Variants in ATRNL1 observed in about 807,000 individuals in gnomAD.
ATRNL1 encodes attractin-like protein 1.
In ATRNL1, 95 loss-of-function variants were observed where a neutral mutation model predicts 182.7. The observed-to-expected ratio is 0.52, with a 90% CI of 0.44 to 0.62. ATRNL1 has a LOEUF of 0.62. Among genes scored for constraint, ATRNL1 ranks in the 20% least tolerant of loss-of-function variants. The pLI is 0.00. For missense variants in ATRNL1, 1,471 were observed against 1,679.5 expected (o/e 0.88, Z 2.17); for synonymous variants, 576 against 568.3 (o/e 1.01, Z -0.19).
chr10:115,178,946 T>A (rs1847640354), intron 8 of ATRNL1, among the ~76,000 whole-genome samples: 1 of 152,116 alleles, frequency 6.6e-6, no homozygotes, highest in Non-Finnish European at 1.5e-5. Flanking sequence ...ATTTATATTC[T>A]TTTTCTAAGA....
At chr10:115,544,641 A>C (rs1852543527) in intron 25 of ATRNL1, among the ~76,000 whole-genome samples, 1 of 152,132 alleles carries the variant, frequency 6.6e-6, no homozygotes, top group Non-Finnish European at 1.5e-5. Context: ...TTTTCCCCTG[A>C]CCCGAATACC....
intron 1 of ATRNL1, among the ~76,000 whole-genome samples, chr10:115,119,649 G>A (rs782496639): frequency 6.6e-6 from 1 of 151,614 alleles, no homozygotes; most frequent in Non-Finnish European, 1.5e-5. Flanking sequence ...TGAGTTCTTG[G>A]ACTAGATGTA....
At chr10:115,311,190 T>TG (rs1164076687) in intron 17 of ATRNL1, among the ~76,000 whole-genome samples, 24 of 858 alleles carry the variant, frequency 0.028, no homozygotes, top group African/African-American at 0.031. Flanking sequence ...ATGATTTAGA[T>TG]TTTTTTTTTT....
chr10:115,312,271 C>G (rs561375244), intron 17 of ATRNL1, among the ~76,000 whole-genome samples: 1 of 152,178 alleles, frequency 6.6e-6, no homozygotes, highest in African/African-American at 2.4e-5. Flanking sequence ...ATTTAGAACT[C>G]TTTTTAGCTT....
chr10:115,195,492 A>T lies in ATRNL1; in HGVS notation c.1349-20205A>T, dbSNP rs151190824. Among the ~76,000 whole-genome samples the T allele has an allele frequency of 4.6e-3, 698 of 152,208 alleles. 7 individuals carry two copies. Among genetic ancestry groups the T allele is most frequent in the Middle Eastern group, 0.01 (3 of 294 alleles). On this transcript the variant is annotated intron_variant, in intron 8 of 28. Coordinates refer to ENST00000355044, the MANE Select transcript of ATRNL1 (RefSeq NM_207303.4). ...CTGCCAGATATGTCAGGGATTCTTTATAAGTTGTGTGCCTCTTTTCTCTGC... is the reference window on the plus strand; with the variant it reads ...CTGCCAGATATGTCAGGGATTCTTTTTAAGTTGTGTGCCTCTTTTCTCTGC...
At chr10:115,215,119 T>C (rs1849177578) in intron 8 of ATRNL1, among the ~76,000 whole-genome samples, 1 of 152,202 alleles carries the variant, frequency 6.6e-6, no homozygotes, top group South Asian at 2.1e-4. Flanking sequence ...TTTAATCTCA[T>C]ACTAGTACTC....
Position 115,165,512 on chromosome 10 carries a change from A to G in ATRNL1, c.1005-46A>G, listed in dbSNP as rs782381820. ...AAAGCACGTGAAAATTAAAAAAACA[A>G]AAATGAATCTTAGCTTATGAAGTTA... is the stretch of plus-strand genomic sequence containing the variant. On this transcript the variant is annotated intron_variant, in intron 6 of 28. Transcript: ENST00000355044. 6 of 1,200,368 alleles carry G rather than the reference A, an allele frequency of 5.0e-6. No homozygotes were observed. In the South Asian group the frequency reaches 1.1e-4, roughly 21 times the overall value. The allele number at this position is 1,200,368 out of a possible 1,614,324, so 74.4% of individuals were successfully genotyped here.
At chr10:115,754,306 G>C (rs1158084900) in intron 27 of ATRNL1, among the ~76,000 whole-genome samples, 1 of 152,164 alleles carries the variant, frequency 6.6e-6, no homozygotes, top group African/African-American at 2.4e-5. Context: ...GTGGTTTTAG[G>C]TCTAACATTT....
intron 27 of ATRNL1, among the ~76,000 whole-genome samples, chr10:115,775,783 C>T (rs1451894322): frequency 1.9e-5 from 2 of 104,158 alleles, no homozygotes; most frequent in Non-Finnish European, 1.9e-5. Context: ...GGTGAAACCC[C>T]GACTCTACTA....
intron 26 of ATRNL1, among the ~76,000 whole-genome samples, chr10:115,592,730 C>T (rs1470658528): frequency 6.6e-6 from 1 of 152,140 alleles, no homozygotes; most frequent in African/African-American, 2.4e-5. Context: ...TGTTTTATTT[C>T]TCTAGCAATC....
chr10:115,439,931 A>G (rs1408594965), intron 21 of ATRNL1, among the ~76,000 whole-genome samples: 1 of 151,834 alleles, frequency 6.6e-6, no homozygotes, highest in Admixed American at 6.6e-5. Flanking sequence ...ATGATTTTCT[A>G]TTTCATCATT....
At chr10:115,391,531 A>T (rs2134269521) in intron 19 of ATRNL1, among the ~76,000 whole-genome samples, 1 of 152,196 alleles carries the variant, frequency 6.6e-6, no homozygotes, top group South Asian at 2.1e-4. Context: ...TCCTTGACTT[A>T]GGGGTATCTT....
intron 28 of ATRNL1, among the ~76,000 whole-genome samples, chr10:115,906,231 A>G (rs1361412965): frequency 2.0e-5 from 3 of 152,166 alleles, no homozygotes; most frequent in South Asian, 2.1e-4. Context: ...AACATGCATG[A>G]TTTTGTTTTA....
intron 27 of ATRNL1, among the ~76,000 whole-genome samples, chr10:115,837,090 C>T (rs1439266028): frequency 1.3e-5 from 2 of 152,050 alleles, no homozygotes; most frequent in Admixed American, 1.3e-4. Context: ...GGGGAAAAGA[C>T]AGATTTGAAG....
chr10:115,683,319 C>T (rs1946109907), intron 26 of ATRNL1, among the ~76,000 whole-genome samples: 2 of 151,908 alleles, frequency 1.3e-5, no homozygotes, highest in African/African-American at 4.8e-5. Flanking sequence ...CAAAAAGACA[C>T]TGTCATTTAT....
intron 26 of ATRNL1, among the ~76,000 whole-genome samples, chr10:115,716,249 G>T (rs1239520568): frequency 1.3e-5 from 2 of 152,004 alleles, no homozygotes. Context: ...TTTTACTGGA[G>T]AACCATTTTT....
At chr10:115,625,808 A>C (rs1858058624) in intron 26 of ATRNL1, among the ~76,000 whole-genome samples, 1 of 152,150 alleles carries the variant, frequency 6.6e-6, no homozygotes, top group Non-Finnish European at 1.5e-5. Context: ...ATATGCTTAT[A>C]TTTCCAACCT....
intron 25 of ATRNL1, among the ~76,000 whole-genome samples, chr10:115,546,554 G>A (rs879977288): frequency 5.4e-5 from 8 of 148,054 alleles, no homozygotes; most frequent in African/African-American, 7.8e-5. Context: ...GCAACAGAGT[G>A]AGACTCTGTC....
At chr10:115,616,772 G>A (rs1186944010) in intron 26 of ATRNL1, among the ~76,000 whole-genome samples, 1 of 152,230 alleles carries the variant, frequency 6.6e-6, no homozygotes, top group African/African-American at 2.4e-5. Context: ...TTTCAAGCCT[G>A]TAGATGCACA....
Sources: gnomAD v4.1 joint callset for allele counts (sites outside exome capture counted in the v4.1 genomes callset) on GRCh38, gnomAD v4.1.1 for gene constraint, MANE v1.5 for transcripts, NCBI Gene and HGNC (gene_info 2026-07-23, HGNC 2026-07-21) for gene names.